RHBDD1: variants seen among roughly 807,000 people sequenced by gnomAD.
RHBDD1 encodes the protein rhomboid-related protein 4.
Under a neutral mutation model 36.3 loss-of-function variants are expected in RHBDD1, and 38 were observed. The ratio of observed to expected loss-of-function variants is 1.05; its 90% CI spans 0.81 to 1.37. The LOEUF is 1.37. Among genes scored for constraint, RHBDD1 ranks in the 40% most tolerant of loss-of-function variants. The pLI is 0.00. For synonymous variants in RHBDD1, 151 were observed against 136.5 expected (o/e 1.11, Z -0.74); for missense variants, 393 against 377.6 (o/e 1.04, Z -0.34).
chr2:226,927,228 T>C (rs1041801662), intron 8 of RHBDD1, among the ~76,000 whole-genome samples: 1 of 152,190 alleles, frequency 6.6e-6, no homozygotes, highest in African/African-American at 2.4e-5. Flanking sequence ...TCGTACTTCT[T>C]TCCCTGAGCA....
intron 7 of RHBDD1, among the ~76,000 whole-genome samples, chr2:226,911,235 G>A (rs963558920): frequency 6.6e-6 from 1 of 152,094 alleles, no homozygotes; most frequent in African/African-American, 2.4e-5. Context: ...GAGCATTTTT[G>A]GGGGTGGATA....
At chr2:226,840,267 A>G (rs1309275731) in intron 3 of RHBDD1, among the ~76,000 whole-genome samples, 1 of 152,210 alleles carries the variant, frequency 6.6e-6, no homozygotes, top group Non-Finnish European at 1.5e-5. Flanking sequence ...AAATCTATCA[A>G]ATTTCTGGGA....
At chr2:226,981,108 A>G (rs1180464549) in intron 8 of RHBDD1, among the ~76,000 whole-genome samples, 1 of 152,166 alleles carries the variant, frequency 6.6e-6, no homozygotes, top group Non-Finnish European at 1.5e-5. Flanking sequence ...TGAGTAAACT[A>G]TCACAAGGAC....
At chr2:226,959,955 T>C (rs1952062438) in intron 8 of RHBDD1, among the ~76,000 whole-genome samples, 1 of 152,160 alleles carries the variant, frequency 6.6e-6, no homozygotes, top group Admixed American at 6.5e-5. Flanking sequence ...CCCGAGTAGC[T>C]GGGACTACAG....
chr2:226,881,482 T>C (rs1945730916), intron 5 of RHBDD1, among the ~76,000 whole-genome samples: 1 of 152,224 alleles, frequency 6.6e-6, no homozygotes, highest in Non-Finnish European at 1.5e-5. Context: ...TATTTGCTGA[T>C]TCACTAATTT....
the RHBDD1 span, among the ~76,000 whole-genome samples, chr2:226,801,277 G>T: frequency 1.3e-5 from 2 of 152,224 alleles, no homozygotes; most frequent in African/African-American, 4.8e-5. Flanking sequence ...GGGGAGGCCT[G>T]CTGATTGGTG....
intron 3 of RHBDD1, among the ~76,000 whole-genome samples, chr2:226,845,504 C>A (rs1942120300): frequency 6.6e-6 from 1 of 152,164 alleles, no homozygotes; most frequent in Admixed American, 6.5e-5. Context: ...AATATTGCCA[C>A]CCTTGTATAT....
the RHBDD1 span, chr2:226,804,947 AGGAGT>A: frequency 3.3e-5 from 5 of 152,374 alleles, no homozygotes; most frequent in Admixed American, 3.3e-4. Flanking sequence ...CCTTGAGCCC[AGGAGT>A]TCAAGTTTGC....
intron 5 of RHBDD1, among the ~76,000 whole-genome samples, chr2:226,892,698 C>T (rs1559239179): frequency 2.6e-5 from 4 of 152,276 alleles, no homozygotes; most frequent in Non-Finnish European, 5.9e-5. Context: ...TGCCTACTCT[C>T]GAAATGTTTT....
chr2:226,928,636 A>T (rs1949820709), intron 8 of RHBDD1, among the ~76,000 whole-genome samples: 1 of 151,826 alleles, frequency 6.6e-6, no homozygotes. Context: ...CTAGAAGAAG[A>T]AAAAAAATAA....
At chr2:226,819,112 A>G in the RHBDD1 span, among the ~76,000 whole-genome samples, 36,735 of 152,066 alleles carry the variant, frequency 0.24, 8,348 homozygotes, top group African/African-American at 0.6. Flanking sequence ...AGGCACTTGA[A>G]TTTATGACCC....
At chr2:226,992,309 C>T (rs1161289079) in intron 8 of RHBDD1, among the ~76,000 whole-genome samples, 1 of 152,134 alleles carries the variant, frequency 6.6e-6, no homozygotes, top group African/African-American at 2.4e-5. Context: ...TGATTCTCTT[C>T]GAAATAAGTT....
At chr2:226,829,948 TTTATG>T in the RHBDD1 span, among the ~76,000 whole-genome samples, 1 of 152,106 alleles carries the variant, frequency 6.6e-6, no homozygotes, top group Non-Finnish European at 1.5e-5. Flanking sequence ...CTTTTGGTGG[TTTATG>T]TTAACTATGA....
chr2:226,916,349 C>T (rs1948911186), intron 8 of RHBDD1, among the ~76,000 whole-genome samples: 1 of 152,108 alleles, frequency 6.6e-6, no homozygotes, highest in Non-Finnish European at 1.5e-5. Flanking sequence ...CAAAAGCATG[C>T]CTTAGCTATG....
At chr2:226,904,255 G>T (rs989237377) in intron 5 of RHBDD1, among the ~76,000 whole-genome samples, 1 of 152,126 alleles carries the variant, frequency 6.6e-6, no homozygotes. Flanking sequence ...TTCAGGAGTC[G>T]CAGATACACA....
At chr2:226,975,316 T>C (rs1954374432) in intron 8 of RHBDD1, among the ~76,000 whole-genome samples, 1 of 152,126 alleles carries the variant, frequency 6.6e-6, no homozygotes, top group East Asian at 1.9e-4. Context: ...TAAATACATA[T>C]ATAAAATCAT....
At chr2:226,866,399 G>A (rs748530883) in intron 4 of RHBDD1, among the ~76,000 whole-genome samples, 2 of 151,826 alleles carry the variant, frequency 1.3e-5, no homozygotes, top group African/African-American at 2.4e-5. Context: ...TTTATTTGTA[G>A]TTTTTTTTCT....
chr2:226,885,870 G>A (rs1946160434), intron 5 of RHBDD1, among the ~76,000 whole-genome samples: 1 of 152,096 alleles, frequency 6.6e-6, no homozygotes, highest in African/African-American at 2.4e-5. Flanking sequence ...TATATGCTGG[G>A]TTTTTTCAAT....
intron 7 of RHBDD1, among the ~76,000 whole-genome samples, chr2:226,909,331 A>C (rs1009683261): frequency 3.3e-5 from 5 of 152,168 alleles, no homozygotes; most frequent in African/African-American, 1.2e-4. Flanking sequence ...AATGAGGAAG[A>C]ATGTATTTTT....
Sources: allele counts gnomAD v4.1 joint callset (sites outside exome capture counted in the v4.1 genomes callset), GRCh38; gene constraint gnomAD v4.1.1; transcripts MANE v1.5; gene names NCBI Gene and HGNC (gene_info 2026-07-23, HGNC 2026-07-21).